The following METTL15 variants were observed in gnomAD, a reference collection of about 807,000 sequenced individuals.
The protein encoded by METTL15 is 12S rRNA N(4)-cytidine methyltransferase METTL15.
METTL15 carries 34 observed loss-of-function variants against 38.3 expected under a neutral mutation model. The observed-to-expected ratio is 0.89, with a 90% CI of 0.68 to 1.18. METTL15 has a LOEUF of 1.18. METTL15 is among the 50% of genes most tolerant of loss of function. METTL15 has a pLI of 0.00. For synonymous variants in METTL15, 162 were observed against 170.9 expected (o/e 0.95, Z 0.41); for missense variants, 438 against 498.4 (o/e 0.88, Z 1.15).
At chr11:28,487,195 C>A (rs1426615170) in intron 6 of METTL15, among the ~76,000 whole-genome samples, 2 of 152,040 alleles carry the variant, frequency 1.3e-5, no homozygotes, top group Admixed American at 1.3e-4. Context: ...CAAGCACATC[C>A]ACTTTTAGAA....
At chr11:28,383,063 A>T (rs1850405540) in intron 5 of METTL15, among the ~76,000 whole-genome samples, 1 of 151,504 alleles carries the variant, frequency 6.6e-6, no homozygotes, top group Admixed American at 6.6e-5. Flanking sequence ...TTATTTTATC[A>T]CTCAGGTAAT....
chr11:28,418,021 G>C (rs1292354642), intron 5 of METTL15, among the ~76,000 whole-genome samples: 1 of 152,026 alleles, frequency 6.6e-6, no homozygotes. Context: ...TTGAGTGCAG[G>C]GCTCTGTGTT....
intron 5 of METTL15, among the ~76,000 whole-genome samples, chr11:28,384,351 C>T (rs79257309): frequency 6.6e-6 from 1 of 151,772 alleles, no homozygotes; most frequent in Admixed American, 6.6e-5. Context: ...CTCTGTCACC[C>T]AAGCTGGAGT....
chr11:28,302,231 T>C (rs1856938455), intron 6 of METTL15, among the ~76,000 whole-genome samples: 1 of 152,216 alleles, frequency 6.6e-6, no homozygotes, highest in Non-Finnish European at 1.5e-5. Flanking sequence ...ACTTTTTCAA[T>C]GTTAATTTAT....
intron 4 of METTL15, among the ~76,000 whole-genome samples, chr11:28,242,345 T>C (rs1056546471): frequency 7.2e-5 from 11 of 152,202 alleles, no homozygotes; most frequent in African/African-American, 2.7e-4. Context: ...CACTGTATTC[T>C]CAGTGCTCAA....
intron 4 of METTL15, among the ~76,000 whole-genome samples, chr11:28,221,327 A>T (rs1853207981): frequency 1.3e-5 from 2 of 152,198 alleles, no homozygotes; most frequent in Admixed American, 1.3e-4. Flanking sequence ...TCCATCACTG[A>T]TACCCTTTGA....
rs148360375 is a variant in METTL15 at position 28,349,037 on chromosome 11, C to G, written c.*190-3053C>G. On this transcript the variant is annotated intron_variant and NMD_transcript_variant, in intron 3 of 7. Transcript: ENST00000532947. ...GATCATTACTACTGGAGTACTATTA[C>G]TCTTAGGCTGTTTCAGCAGATAGCT... Among the ~76,000 whole-genome samples, 510 of 152,286 alleles carry G rather than the reference C, an allele frequency of 3.3e-3. 6 individuals carry two copies. Among genetic ancestry groups the G allele is most frequent in the African/African-American group, 0.012 (492 of 41,548 alleles).
At chr11:28,277,731 A>G (rs1425812954) in intron 4 of METTL15, among the ~76,000 whole-genome samples, 2 of 152,082 alleles carry the variant, frequency 1.3e-5, no homozygotes, top group African/African-American at 4.8e-5. Context: ...AAAAAATGGA[A>G]TCACGTCATT....
At chr11:28,491,369 G>A (rs1851493353) in intron 6 of METTL15, among the ~76,000 whole-genome samples, 1 of 152,082 alleles carries the variant, frequency 6.6e-6, no homozygotes, top group Non-Finnish European at 1.5e-5. Flanking sequence ...GTAGGAGCTT[G>A]AGCACAAGAA....
intron 3 of METTL15, among the ~76,000 whole-genome samples, chr11:28,131,858 A>G (rs894930773): frequency 6.6e-6 from 1 of 152,210 alleles, no homozygotes; most frequent in Non-Finnish European, 1.5e-5. Context: ...GATTAATGTT[A>G]TAAAGTCTAG....
rs577432994 is a variant in METTL15 at position 28,309,114 on chromosome 11, A to G, written c.778+12183A>G. Among the ~76,000 whole-genome samples the G allele has an allele frequency of 2.6e-5, 4 of 152,250 alleles. No homozygotes were observed. In the South Asian group the frequency reaches 6.2e-4, roughly 24 times the overall value. The stretch of plus-strand genomic sequence containing the variant: ...GTATGTCTGCCGAAATTTCATGTCA[A>G]TACTTTAATCTCAAAATGTATAATG... On this transcript the variant is annotated intron_variant, in intron 6 of 6. Coordinates refer to ENST00000407364, the MANE Select transcript of METTL15 (RefSeq NM_001113528.2).
At chr11:28,423,473 T>A (rs1850838809) in intron 5 of METTL15, among the ~76,000 whole-genome samples, 1 of 151,932 alleles carries the variant, frequency 6.6e-6, no homozygotes, top group African/African-American at 2.4e-5. Context: ...AACAGACAAA[T>A]GAATAAAGAA....
At chr11:28,292,846 A>C (rs192503151) in intron 5 of METTL15, among the ~76,000 whole-genome samples, 3 of 152,194 alleles carry the variant, frequency 2.0e-5, no homozygotes, top group African/African-American at 7.2e-5. Context: ...TTTTGGCTGC[A>C]TAACTGTCTT....
intron 3 of METTL15, among the ~76,000 whole-genome samples, chr11:28,135,104 T>G (rs1183642994): frequency 1.3e-5 from 2 of 152,194 alleles, no homozygotes; most frequent in African/African-American, 4.8e-5. Context: ...AGGCAAAAAC[T>G]TAAAAACAAC....
At chr11:28,429,408 C>G (rs1379089582) in intron 6 of METTL15, among the ~76,000 whole-genome samples, 2 of 128,434 alleles carry the variant, frequency 1.6e-5, no homozygotes, top group African/African-American at 3.1e-5. Context: ...CGGTCTCCCT[C>G]TCATGCGGAG....
intron 3 of METTL15, among the ~76,000 whole-genome samples, chr11:28,165,832 T>C (rs889830018): frequency 1.5e-4 from 23 of 152,142 alleles, no homozygotes; most frequent in African/African-American, 5.1e-4. Context: ...TTTTTGCATA[T>C]AGTCTCAGAT....
rs990883484 is a variant in METTL15, at chr11:28,292,581, A to G, written c.599+2184A>G. Among the ~76,000 whole-genome samples, 8 of 152,212 alleles carry G rather than the reference A, an allele frequency of 5.3e-5. No individual in the cohort carries two copies. In the East Asian group the frequency reaches 5.8e-4, roughly 11 times the overall value. ...TCCTTTGGGTATATACCCAGTAATG[A>G]GATGGCTGGGTCAAATGGTATTTGT... On this transcript the variant is annotated intron_variant, in intron 5 of 6. Transcript: ENST00000407364.
intron 4 of METTL15, among the ~76,000 whole-genome samples, chr11:28,215,459 G>A (rs1852823586): frequency 6.6e-6 from 1 of 151,942 alleles, no homozygotes; most frequent in African/African-American, 2.4e-5. Context: ...ATGAGAGACA[G>A]CAGGGAAAGA....
At chr11:28,240,333 A>G (rs1301698135) in intron 4 of METTL15, among the ~76,000 whole-genome samples, 2 of 152,180 alleles carry the variant, frequency 1.3e-5, no homozygotes, top group African/African-American at 4.8e-5. Flanking sequence ...ATAATCTAGA[A>G]AGATTTCTGA....
Sources: allele counts gnomAD v4.1 joint callset (sites outside exome capture counted in the v4.1 genomes callset), GRCh38; gene constraint gnomAD v4.1.1; transcripts MANE v1.5; gene names NCBI Gene and HGNC (gene_info 2026-07-23, HGNC 2026-07-21).